KLRF1: variants seen among roughly 807,000 people sequenced by gnomAD.
KLRF1 encodes the protein killer cell lectin-like receptor subfamily F member 1.
KLRF1 carries 27 observed loss-of-function variants against 30.7 expected under a neutral mutation model. The observed-to-expected ratio is 0.88, with a 90% confidence interval of 0.65 to 1.21. The LOEUF (loss-of-function observed/expected upper bound fraction) is 1.21, where lower values mean the gene tolerates loss of function less well. KLRF1 is among the 50% of genes most tolerant of loss of function. The probability of loss-of-function intolerance (pLI) is 0.00; values close to 1 mark genes in which losing one functional copy is unlikely to be tolerated. For synonymous variants in KLRF1, 92 were observed against 89.3 expected, an observed-to-expected ratio of 1.03 and a Z score of -0.17; for missense variants, 246 against 259.3, an observed-to-expected ratio of 0.95 and a Z score of 0.35.
intron 1 of KLRF1, among the ~76,000 whole-genome samples, chr12:9,829,870 A>C (rs1867371317): frequency 6.6e-6 from 1 of 152,224 alleles, no homozygotes; most frequent in African/African-American, 2.4e-5. Context: ...CTATATTTCC[A>C]GTGTTTACTT....
chr12:9,804,630 T>G, the KLRF1 span, among the ~76,000 whole-genome samples: 1 of 152,030 alleles, frequency 6.6e-6, no homozygotes, highest in Admixed American at 6.6e-5. Context: ...GAGGTTTAAC[T>G]TTATGTTTTG....
At position 9,840,183 on chromosome 12, in the gene KLRF1, T is replaced by C. The variant is rs80333694; in HGVS notation, c.335-1629T>C. On this transcript the variant is annotated intron_variant, in intron 3 of 5. Coordinates refer to ENST00000617889, the MANE Select transcript of KLRF1 (RefSeq NM_016523.3). ...ACAGTGACATAAAGCAGGCTAGTGGTTGCCAGCGCTGGGGGAGTAGAAGAT... is the reference window on the plus strand; with the variant it reads ...ACAGTGACATAAAGCAGGCTAGTGGCTGCCAGCGCTGGGGGAGTAGAAGAT... Among the ~76,000 whole-genome samples, 194 of 152,176 alleles carry C rather than the reference T, an allele frequency of 1.3e-3. No homozygotes were observed. The East Asian group carries it at 0.035, about 27-fold the overall frequency.
chr12:9,820,549 C>G, the KLRF1 span, among the ~76,000 whole-genome samples: 1 of 152,234 alleles, frequency 6.6e-6, no homozygotes, highest in South Asian at 2.1e-4. Flanking sequence ...CTGTGGGGAC[C>G]AGGGGCTGAT....
At chr12:9,819,909 CCTAGGATG>C in the KLRF1 span, among the ~76,000 whole-genome samples, 2 of 152,250 alleles carry the variant, frequency 1.3e-5, no homozygotes, top group Admixed American at 6.5e-5. Flanking sequence ...TCTGTACCTC[CCTAGGATG>C]GAGCTCCCAG....
chr12:9,839,717 G>A (rs1236636644), intron 3 of KLRF1, among the ~76,000 whole-genome samples: 1 of 152,046 alleles, frequency 6.6e-6, no homozygotes, highest in African/African-American at 2.4e-5. Context: ...CACAAAAAGA[G>A]CAAGTGTTGG....
intron 3 of KLRF1, among the ~76,000 whole-genome samples, chr12:9,835,162 A>C (rs1867546271): frequency 6.6e-6 from 1 of 152,050 alleles, no homozygotes; most frequent in South Asian, 2.1e-4. Flanking sequence ...CCTATTTGCA[A>C]ATTGAATTTT....
In KLRF1 at chr12:9,841,925, C is replaced by G. The variant is rs1374886736; in HGVS notation, c.448C>G (p.Leu150Val). The change falls in exon 4 of 6, where the codon CTA becomes GTA. Residue 150 changes from leucine to valine, a missense_variant. Leu to Val is a conservative substitution (Grantham distance 32). Coordinates refer to ENST00000617889, the MANE Select transcript of KLRF1 (RefSeq NM_016523.3). ...VYCLERKSHLLIIHDQLEMAF... is the reference protein window; with the variant it reads ...VYCLERKSHLVIIHDQLEMAF... ...TTGTTTGGAAAGAAAATCTCATCTA[C>G]TAATCATACATGACCAACTTGAAAT... 1.6e-5 allele frequency: 25 copies of G among 1,612,042 alleles called. No individual in the cohort carries two copies. Among genetic ancestry groups the G allele is most frequent in the Non-Finnish European group, 2.1e-5 (25 of 1,178,798 alleles).
chr12:9,843,981 A>G (rs1310720165), intron 5 of KLRF1, among the ~76,000 whole-genome samples: 1 of 152,162 alleles, frequency 6.6e-6, no homozygotes, highest in African/African-American at 2.4e-5. Context: ...TAGGTCATGC[A>G]CAGTTCGTTT....
intron 3 of KLRF1, among the ~76,000 whole-genome samples, chr12:9,840,504 T>C (rs1185030637): frequency 6.6e-6 from 1 of 152,128 alleles, no homozygotes; most frequent in Non-Finnish European, 1.5e-5. Context: ...TCCATTTAAT[T>C]TAATTTACCT....
At chr12:9,825,226 C>T (rs1215317722), upstream of KLRF1, among the ~76,000 whole-genome samples, 1 of 145,386 alleles carries the variant, frequency 6.9e-6, no homozygotes, top group East Asian at 2.0e-4. Flanking sequence ...AATTATACTA[C>T]AGTACTACAA....
At chr12:9,811,178 A>C in the KLRF1 span, among the ~76,000 whole-genome samples, 2,032 of 119,548 alleles carry the variant, frequency 0.017, 45 homozygotes, top group African/African-American at 0.059. Context: ...AGTAGAAAGC[A>C]AAAAAAAAAA....
the KLRF1 span, among the ~76,000 whole-genome samples, chr12:9,819,552 G>T: frequency 6.6e-6 from 1 of 152,002 alleles, no homozygotes; most frequent in South Asian, 2.1e-4. Context: ...TTTTCACGTG[G>T]GTCTTGGATC....
At chr12:9,826,014 A>G (rs1867277746), upstream of KLRF1, among the ~76,000 whole-genome samples, 1 of 152,204 alleles carries the variant, frequency 6.6e-6, no homozygotes, top group Non-Finnish European at 1.5e-5. Context: ...AAAATGTATT[A>G]TCCTTTTACT....
intron 3 of KLRF1, among the ~76,000 whole-genome samples, chr12:9,841,117 A>C (rs1361907386): frequency 6.6e-6 from 1 of 152,178 alleles, no homozygotes; most frequent in Non-Finnish European, 1.5e-5. Context: ...CATACCATGG[A>C]ATACTATGAA....
At chr12:9,828,075 T>C (rs1043897125) in intron 1 of KLRF1, among the ~76,000 whole-genome samples, 1 of 151,276 alleles carries the variant, frequency 6.6e-6, no homozygotes, top group African/African-American at 2.4e-5. Flanking sequence ...AATATGGTGT[T>C]TTAATGCTAT....
the KLRF1 span, among the ~76,000 whole-genome samples, chr12:9,805,001 G>A: frequency 6.6e-6 from 1 of 151,708 alleles, no homozygotes; most frequent in Non-Finnish European, 1.5e-5. Context: ...TTTGTGTATT[G>A]TTTGATTCAA....
upstream of KLRF1, among the ~76,000 whole-genome samples, chr12:9,826,692 A>G (rs777628990): frequency 2.3e-4 from 34 of 148,294 alleles, no homozygotes; most frequent in South Asian, 5.6e-3. Flanking sequence ...ATGCAGCTAT[A>G]AAAAAGAATG....
chr12:9,841,382 T>C (rs1043022068), intron 3 of KLRF1, among the ~76,000 whole-genome samples: 3 of 151,992 alleles, frequency 2.0e-5, no homozygotes, highest in Non-Finnish European at 4.4e-5. Flanking sequence ...ACTTGGATGT[T>C]GAAATAATCT....
upstream of KLRF1, among the ~76,000 whole-genome samples, chr12:9,825,834 A>G (rs147981194): frequency 0.011 from 1,719 of 152,276 alleles, 32 homozygotes; most frequent in African/African-American, 0.039. Flanking sequence ...CAAAAAATAA[A>G]CAACCCCATT....
Sources: gnomAD v4.1 joint callset for allele counts (sites outside exome capture counted in the v4.1 genomes callset) on GRCh38, gnomAD v4.1.1 for gene constraint, MANE v1.5 for transcripts, NCBI Gene and HGNC (gene_info 2026-07-23, HGNC 2026-07-21) for gene names.